Variants in TCF25 observed in about 807,000 individuals in gnomAD.
TCF25 encodes ribosome quality control complex subunit TCF25.
In TCF25, 41 loss-of-function variants were observed where a neutral mutation model predicts 83.1. The ratio of observed to expected loss-of-function variants is 0.49; its 90% CI spans 0.38 to 0.64. The LOEUF (loss-of-function observed/expected upper bound fraction) is 0.64. TCF25 is among the 30% of genes least tolerant of loss of function. The pLI is 0.00. For synonymous variants in TCF25, 458 were observed against 365.0 expected, an observed-to-expected ratio of 1.25 and a Z score of -2.90; for missense variants, 979 against 914.5, an observed-to-expected ratio of 1.07 and a Z score of -0.91.
chr16:89,896,205 A>G, intron 9 of TCF25, 122 bp downstream of exon 9: 2 of 769,304 alleles, frequency 2.6e-6, no homozygotes, highest in East Asian at 2.7e-5. Flanking sequence ...CCACAGGTCC[A>G]GAGTGACCCA....
chr16:89,888,060 GT>G (rs1382616908), intron 5 of TCF25, among the ~76,000 whole-genome samples: 2 of 152,068 alleles, frequency 1.3e-5, no homozygotes, highest in Non-Finnish European at 2.9e-5. Flanking sequence ...GAAGTCAGGA[GT>G]TTGAGACCAG....
Position 89,891,814 on chromosome 16 carries a change from G to A in TCF25, c.615-379G>A, listed in dbSNP as rs186340310. On this transcript the variant is annotated intron_variant, in intron 5 of 17. Coordinates refer to ENST00000263346, the MANE Select transcript of TCF25 (RefSeq NM_014972.3). ...AGGCTGGAGTGCTGGGATCACAGGTGCAGGCCATCACGCCAGGCTAATTTT... is the reference window on the plus strand; with the variant it reads ...AGGCTGGAGTGCTGGGATCACAGGTACAGGCCATCACGCCAGGCTAATTTT... Among the ~76,000 whole-genome samples, 1,078 of 152,196 alleles carry A rather than the reference G, an allele frequency of 7.1e-3. 3 individuals carry two copies. The highest frequency in any genetic ancestry group is 0.011 in the Non-Finnish European group (738 of 68,006).
chr16:89,889,552 C>CTT (rs773150311), intron 5 of TCF25: 33 of 143,440 alleles, frequency 2.3e-4, no homozygotes, highest in Middle Eastern at 3.2e-3. Context: ...CGTCTGAGTT[C>CTT]TTTTTTTTTT....
In TCF25 at chr16:89,896,002, A is replaced by G; in HGVS notation, c.941A>G (p.Tyr314Cys). 1.2e-6 allele frequency: 2 copies of G among 1,613,950 alleles called. No individual in the cohort carries two copies. Among genetic ancestry groups the G allele is most frequent in the Non-Finnish European group, 1.7e-6 (2 of 1,179,986 alleles). ...MARDLVERALYSMECAFHPLF... is the reference protein window; with the variant it reads ...MARDLVERALCSMECAFHPLF... ...CCTGTGCCCACAGAGAGAGCGCTGT[A>G]CAGCATGGAATGTGCGTTCCACCCC... The change falls in exon 9 of 18, where the codon TAC becomes TGC. Residue 314 changes from tyrosine to cysteine, a missense_variant. Coordinates refer to ENST00000263346, the MANE Select transcript of TCF25 (RefSeq NM_014972.3).
Position 89,895,152 on chromosome 16 carries a change from C to T in TCF25, c.928+15C>T, listed in dbSNP as rs371358299. The T allele has an allele frequency of 2.7e-5, 44 of 1,608,512 alleles. 1 individual carries two copies. In the East Asian group the frequency reaches 7.4e-4, roughly 27 times the overall value. ...AGACCTCGTAGGTAAGGCAGAGCCC[C>T]CACCCCATTCCCCTCAGCTGTGGGA... On this transcript the variant is annotated intron_variant, in intron 8 of 17. Coordinates refer to ENST00000263346, the MANE Select transcript of TCF25 (RefSeq NM_014972.3).
At chr16:89,888,868 G>A (rs1291505598) in intron 5 of TCF25, among the ~76,000 whole-genome samples, 1 of 108,412 alleles carries the variant, frequency 9.2e-6, no homozygotes, top group Non-Finnish European at 1.8e-5. Flanking sequence ...TTTTTTTTTA[G>A]TAGAGACGGG....
Position 89,907,258 on chromosome 16 carries a change from T to G in TCF25, c.1735T>G (p.Ser579Ala). Residue 579 changes from serine to alanine, a missense_variant, in exon 16 of 18, where the codon TCT becomes GCT. Ser to Ala is a moderately conservative substitution (Grantham distance 99, BLOSUM62 1). Transcript: ENST00000263346. ...CTTTCTGAAGGACGTGACCACGCAG[T>G]CTGTGATGGGGTTTGATCCTCTGCC... ...AALPPDVTTQ[S>A]VMGFDPLPPS... is the part of the protein sequence containing the mutation. 6.2e-7 allele frequency: 1 copy of G among 1,612,916 alleles called. No homozygotes were observed.
At chr16:89,900,866 G>A (rs986934564) in intron 12 of TCF25, 72 bp downstream of exon 12, 1 of 1,415,038 alleles carries the variant, frequency 7.1e-7, no homozygotes, top group Non-Finnish European at 9.4e-7. Context: ...CTTCCTGGTG[G>A]TGGAGGCCAG....
intron 5 of TCF25, chr16:89,890,661 A>T (rs1426188361): frequency 6.6e-6 from 1 of 152,100 alleles, no homozygotes; most frequent in African/African-American, 2.4e-5. Context: ...CTCTGAGCTG[A>T]GGGTTCCACC....
At chr16:89,907,052 G>A (rs2044850708) in intron 15 of TCF25, among the ~76,000 whole-genome samples, 191 bp from the exon 16 acceptor site, 1 of 152,018 alleles carries the variant, frequency 6.6e-6, no homozygotes, top group South Asian at 2.1e-4. Flanking sequence ...TGTCCTGGTG[G>A]CAGAAGGACT....
chr16:89,873,809 CCCGG>C lies in TCF25; in HGVS notation c.143_146del (p.Pro48ArgfsTer16). 1 of 1,597,266 alleles carries C rather than the reference CCCGG, an allele frequency of 6.3e-7. No homozygotes were observed. The highest frequency in any genetic ancestry group is 8.5e-7 in the Non-Finnish European group (1 of 1,173,816). On this transcript the variant is annotated frameshift_variant, in exon 1 of 18. Transcript: ENST00000263346. LOFTEE classifies it high-confidence loss of function. Reference sequence around the variant, plus strand: ...CAAGCGGGAGCTTGGTGTCCGGCGTCCCGGGGGCGCAGGGAAGGAGGGCGTCCGA... The same window carrying C: ...CAAGCGGGAGCTTGGTGTCCGGCGTCGGGCGCAGGGAAGGAGGGCGTCCGA...
At position 89,883,530 on chromosome 16, in the gene TCF25, G is replaced by C. The variant is rs1267180206; in HGVS notation, c.354+18G>C. 6.3e-7 allele frequency: 1 copy of C among 1,582,194 alleles called. No homozygotes were observed. The highest frequency in any genetic ancestry group is 1.3e-5 in the African/African-American group (1 of 74,160). Reference sequence around the variant, plus strand: ...CAGAGCAGGTGGGGGGCTGAGTGGTGAGGAGGTGGCATCAGACGGGAGAGT... The same window carrying C: ...CAGAGCAGGTGGGGGGCTGAGTGGTCAGGAGGTGGCATCAGACGGGAGAGT... On this transcript the variant is annotated intron_variant, in intron 2 of 17. Coordinates refer to ENST00000263346, the MANE Select transcript of TCF25 (RefSeq NM_014972.3).
chr16:89,895,222 G>C, intron 8 of TCF25, 85 bp downstream of exon 8: 1 of 1,255,446 alleles, frequency 8.0e-7, no homozygotes, highest in Non-Finnish European at 1.1e-6. Context: ...AAGATGACAG[G>C]GGTTGCCAGG....
intron 5 of TCF25, chr16:89,890,616 A>G (rs1023859125): frequency 1.3e-5 from 2 of 152,186 alleles, no homozygotes; most frequent in African/African-American, 4.8e-5. Context: ...TTAATTAAAA[A>G]TAGACTTTAA....
chr16:89,906,330 A>G (rs2044777662), intron 15 of TCF25, 46 bp downstream of exon 15: 2 of 1,585,896 alleles, frequency 1.3e-6, no homozygotes, highest in Non-Finnish European at 1.7e-6. Context: ...AGCCGGTCAC[A>G]TGCACGTCCC....
Position 89,885,979 on chromosome 16 carries a change from C to A in TCF25, c.548+13C>A, listed in dbSNP as rs1015239335. 1.9e-6 allele frequency: 3 copies of A among 1,602,086 alleles called. No homozygotes were observed. In the African/African-American group the frequency reaches 4.1e-5, roughly 22 times the overall value. ...ACGTGGAGCACAGGTGTGGCCCCCGCCCTTCTCTGCGGCTGCCCTTCTCTG... is the reference window on the plus strand; with the variant it reads ...ACGTGGAGCACAGGTGTGGCCCCCGACCTTCTCTGCGGCTGCCCTTCTCTG... On this transcript the variant is annotated intron_variant, in intron 4 of 17. Transcript: ENST00000263346.
intron 1 of TCF25, chr16:89,878,364 C>G: frequency 3.6e-6 from 4 of 1,123,256 alleles, no homozygotes; most frequent in South Asian, 1.7e-5. Context: ...GGCGGGTGGA[C>G]CACCTGAGGT....
intron 15 of TCF25, among the ~76,000 whole-genome samples, chr16:89,906,860 G>A (rs542722257): frequency 3.5e-4 from 53 of 152,246 alleles, no homozygotes; most frequent in African/African-American, 1.2e-3. Context: ...GTGGCAGCAC[G>A]TGGCACTGTG....
At chr16:89,883,822 G>GCCAACCGCGCACGTGTGTC (rs1567700366) in intron 2 of TCF25, 2 of 269,640 alleles carry the variant, frequency 7.4e-6, no homozygotes, top group African/African-American at 5.8e-5. Flanking sequence ...GCACGTGTGT[G>GCCAACCGCGCACGTGTGTC]CCTCCTAGCC....
Sources: allele counts gnomAD v4.1 joint callset (sites outside exome capture counted in the v4.1 genomes callset), GRCh38; gene constraint gnomAD v4.1.1; transcripts MANE v1.5; gene names NCBI Gene and HGNC (gene_info 2026-07-23, HGNC 2026-07-21).